INPP5A: variants seen among roughly 807,000 people sequenced by gnomAD.
INPP5A encodes 43 kDa inositol polyphosphate 5-phophatase.
Under a neutral mutation model 65.2 loss-of-function variants are expected in INPP5A, and 14 were observed. The observed-to-expected ratio is 0.21, with a 90% CI of 0.14 to 0.34. INPP5A has a LOEUF of 0.34. Among genes scored for constraint, INPP5A ranks in the 10% least tolerant of loss-of-function variants. The pLI, the probability that INPP5A is intolerant of heterozygous loss-of-function variation, is 1.00. For synonymous variants in INPP5A, 207 were observed against 208.3 expected, an observed-to-expected ratio of 0.99 and a Z score of 0.05; for missense variants, 431 against 545.6, an observed-to-expected ratio of 0.79 and a Z score of 2.09.
chr10:132,721,892 G>T (rs569546509), intron 8 of INPP5A, among the ~76,000 whole-genome samples: 3 of 152,226 alleles, frequency 2.0e-5, no homozygotes, highest in South Asian at 4.2e-4. Context: ...GAGGCTTTAT[G>T]GGGGTAGAGC....
At chr10:132,739,103 C>T (rs1325266903) in intron 9 of INPP5A, among the ~76,000 whole-genome samples, 1 of 152,216 alleles carries the variant, frequency 6.6e-6, no homozygotes, top group African/African-American at 2.4e-5. Context: ...TGCCCCACAG[C>T]CCTCCCAGCA....
chr10:132,558,264 G>C (rs1339800393), intron 1 of INPP5A, among the ~76,000 whole-genome samples: 1 of 152,168 alleles, frequency 6.6e-6, no homozygotes, highest in South Asian at 2.1e-4. Flanking sequence ...AAGCTGCTCC[G>C]GGTGTCCCCG....
intron 9 of INPP5A, among the ~76,000 whole-genome samples, chr10:132,748,264 C>G (rs1224880849): frequency 6.6e-6 from 1 of 152,144 alleles, no homozygotes; most frequent in African/African-American, 2.4e-5. Context: ...ATGGAATCTA[C>G]AGTCTGTGGC....
At chr10:132,673,037 A>G (rs2072913410) in intron 4 of INPP5A, among the ~76,000 whole-genome samples, 1 of 152,158 alleles carries the variant, frequency 6.6e-6, no homozygotes, top group South Asian at 2.1e-4. Context: ...GGGACGCCCT[A>G]ATGGATCTCC....
Position 132,629,946 on chromosome 10 carries a change from G to A in INPP5A, c.118-15922G>A, listed in dbSNP as rs180671208. Reference sequence around the variant, plus strand: ...CCAAGAAGGGTGGGCGTCCTTGAGGGGAGAGTGTTCTTGAGGGCAAAGCGT... The same window carrying A: ...CCAAGAAGGGTGGGCGTCCTTGAGGAGAGAGTGTTCTTGAGGGCAAAGCGT... On this transcript the variant is annotated intron_variant, in intron 2 of 15. Transcript: ENST00000368594. 8.7e-4 allele frequency among the ~76,000 whole-genome samples: 133 copies of A among 152,272 alleles called. 1 individual carries two copies. Among genetic ancestry groups the A allele is most frequent in the Admixed American group, 2.7e-3 (41 of 15,296 alleles).
At chr10:132,607,582 G>T (rs551347122) in intron 1 of INPP5A, among the ~76,000 whole-genome samples, 1 of 152,230 alleles carries the variant, frequency 6.6e-6, no homozygotes, top group Admixed American at 6.5e-5. Context: ...TGGCTGAGCC[G>T]TCTCTTCCCT....
At chr10:132,743,093 G>A (rs1001921670) in intron 9 of INPP5A, among the ~76,000 whole-genome samples, 1 of 152,248 alleles carries the variant, frequency 6.6e-6, no homozygotes, top group South Asian at 2.1e-4. Context: ...GTTGAGAGGG[G>A]AGGGCATGAA....
intron 1 of INPP5A, among the ~76,000 whole-genome samples, chr10:132,542,513 A>C (rs1326779042): frequency 1.3e-5 from 2 of 151,882 alleles, no homozygotes; most frequent in African/African-American, 4.8e-5. Flanking sequence ...CCACCTTGAA[A>C]ACTCTGAACT....
intron 1 of INPP5A, among the ~76,000 whole-genome samples, chr10:132,581,981 G>A (rs2071490166): frequency 6.6e-6 from 1 of 152,028 alleles, no homozygotes; most frequent in South Asian, 2.1e-4. Context: ...GGGACTACAG[G>A]TGCCTGTCAC....
chr10:132,723,240 G>A (rs540954148), intron 8 of INPP5A, among the ~76,000 whole-genome samples: 2 of 152,358 alleles, frequency 1.3e-5, no homozygotes, highest in South Asian at 2.1e-4. Context: ...GCCTGGGCAG[G>A]GCCTCCTGTG....
chr10:132,557,591 A>C (rs2071143768), intron 1 of INPP5A, among the ~76,000 whole-genome samples: 1 of 152,236 alleles, frequency 6.6e-6, no homozygotes, highest in Non-Finnish European at 1.5e-5. Flanking sequence ...TGATGCCAGC[A>C]AGTGCAGAGG....
intron 11 of INPP5A, among the ~76,000 whole-genome samples, chr10:132,764,577 G>A (rs1292830141): frequency 2.3e-5 from 3 of 131,768 alleles, no homozygotes; most frequent in Middle Eastern, 5.2e-3. Context: ...ACAGGAACAC[G>A]GCCGGGCCAG....
chr10:132,768,607 C>T (rs969583435), intron 12 of INPP5A, among the ~76,000 whole-genome samples: 6 of 152,248 alleles, frequency 3.9e-5, no homozygotes. Flanking sequence ...ACACGTTGGC[C>T]TTCCTGTGCT....
intron 2 of INPP5A, among the ~76,000 whole-genome samples, chr10:132,614,027 G>A (rs1423388190): frequency 6.6e-6 from 1 of 152,218 alleles, no homozygotes; most frequent in East Asian, 1.9e-4. Flanking sequence ...GAGAGTGCAG[G>A]AGACAGCGCA....
At chr10:132,672,757 T>A (rs1590914037) in intron 4 of INPP5A, among the ~76,000 whole-genome samples, 1 of 152,224 alleles carries the variant, frequency 6.6e-6, no homozygotes, top group South Asian at 2.1e-4. Flanking sequence ...CCACTCCCCC[T>A]CTGCATTCCC....
At chr10:132,638,310 C>G (rs1016987047) in intron 2 of INPP5A, among the ~76,000 whole-genome samples, 5 of 152,194 alleles carry the variant, frequency 3.3e-5, no homozygotes, top group Admixed American at 6.5e-5. Flanking sequence ...GTGTTCCAAC[C>G]CACGCTCGGA....
At chr10:132,601,933 G>C (rs1464901755) in intron 1 of INPP5A, among the ~76,000 whole-genome samples, 1 of 152,134 alleles carries the variant, frequency 6.6e-6, no homozygotes, top group African/African-American at 2.4e-5. Flanking sequence ...CTTTTTTAAG[G>C]CTATTTTTGG....
At chr10:132,691,987 C>T (rs1299669436) in intron 5 of INPP5A, among the ~76,000 whole-genome samples, 1 of 152,100 alleles carries the variant, frequency 6.6e-6, no homozygotes, top group African/African-American at 2.4e-5. Context: ...CATGCGGATG[C>T]TGACGATATT....
At position 132,550,776 on chromosome 10, in the gene INPP5A, G is replaced by C. The variant is rs555260353; in HGVS notation, c.75+12605G>C. Among the ~76,000 whole-genome samples the C allele has an allele frequency of 3.3e-5, 5 of 152,344 alleles. No homozygotes were observed. The highest frequency in any genetic ancestry group is 1.2e-4 in the African/African-American group (5 of 41,584). ...GGTGGCAGCCGCCAGAGTGTGAGGG[G>C]CCATGGTCGCTGACCTCGCCTCCTG... On this transcript the variant is annotated intron_variant, in intron 1 of 15. Coordinates refer to ENST00000368594, the MANE Select transcript of INPP5A (RefSeq NM_005539.5). The surrounding 1 kb of genome is among the most constrained non-coding windows in gnomAD (Gnocchi z 4.2).
Sources: gnomAD v4.1 joint callset for allele counts (sites outside exome capture counted in the v4.1 genomes callset) on GRCh38, gnomAD v4.1.1 for gene constraint, Gnocchi (gnomAD v3.1) non-coding constraint, MANE v1.5 for transcripts, NCBI Gene and HGNC (gene_info 2026-07-23, HGNC 2026-07-21) for gene names.